The following NALF1 variants were observed in gnomAD, a reference collection of about 807,000 sequenced individuals.
NALF1 encodes the protein NALCN channel auxiliary factor 1.
Under a neutral mutation model 48.4 loss-of-function variants are expected in NALF1, and 3 were observed. That is an observed-to-expected ratio of 0.06 (90% CI 0.03 to 0.16). The LOEUF (loss-of-function observed/expected upper bound fraction) is 0.16, where lower values mean the gene tolerates loss of function less well. Among genes scored for constraint, NALF1 ranks in the 10% least tolerant of loss-of-function variants. The pLI, the probability that NALF1 is intolerant of heterozygous loss-of-function variation, is 1.00. For missense variants in NALF1, 526 were observed against 571.5 expected, an observed-to-expected ratio of 0.92 and a Z score of 0.81; for synonymous variants, 262 against 245.7, an observed-to-expected ratio of 1.07 and a Z score of -0.62.
intron 1 of NALF1, among the ~76,000 whole-genome samples, chr13:107,406,369 A>G (rs1883899487): frequency 6.6e-6 from 1 of 152,178 alleles, no homozygotes; most frequent in South Asian, 2.1e-4. Context: ...AGAAACACCA[A>G]TAGTGAGCAA....
At chr13:107,458,969 A>C (rs1396523654) in intron 1 of NALF1, among the ~76,000 whole-genome samples, 1 of 152,006 alleles carries the variant, frequency 6.6e-6, no homozygotes, top group Non-Finnish European at 1.5e-5. Flanking sequence ...AGAGAGGTAC[A>C]TCTGTTATAA....
Position 107,595,683 on chromosome 13 carries a change from T to C in NALF1, c.915+269999A>G, listed in dbSNP as rs1011591211. The stretch of plus-strand genomic sequence containing the variant: ...GATAAATGCAAAGATTTTATAAACA[T>C]GCCCTGCCTAATATAGCTGTCACAT... On this transcript the variant is annotated intron_variant, in intron 1 of 2. Coordinates refer to ENST00000375915, the MANE Select transcript of NALF1 (RefSeq NM_001080396.3). 2.0e-5 allele frequency among the ~76,000 whole-genome samples: 3 copies of C among 152,190 alleles called. No individual in the cohort carries two copies. The East Asian group carries it at 5.8e-4, about 29-fold the overall frequency.
chr13:107,284,889 G>A (rs1433384511), intron 1 of NALF1, among the ~76,000 whole-genome samples: 1 of 143,666 alleles, frequency 7.0e-6, no homozygotes, highest in Non-Finnish European at 1.5e-5. Context: ...CATTTCTATT[G>A]TTTGAGCCAC....
At chr13:107,239,182 A>G (rs1880414062) in intron 1 of NALF1, among the ~76,000 whole-genome samples, 1 of 152,130 alleles carries the variant, frequency 6.6e-6, no homozygotes, top group South Asian at 2.1e-4. Context: ...CTGTAATCCA[A>G]CTGAGTGACT....
At chr13:107,374,648 C>T (rs180902218) in intron 1 of NALF1, among the ~76,000 whole-genome samples, 111 of 152,172 alleles carry the variant, frequency 7.3e-4, no homozygotes, top group African/African-American at 2.3e-3. Flanking sequence ...AGCAATACCA[C>T]GATGATTATA....
chr13:107,499,725 T>C (rs1362675008), intron 1 of NALF1, among the ~76,000 whole-genome samples: 1 of 152,226 alleles, frequency 6.6e-6, no homozygotes, highest in Non-Finnish European at 1.5e-5. Flanking sequence ...TCCTTACGGC[T>C]TGCTTTTTTT....
At chr13:107,424,591 G>T in intron 1 of NALF1, among the ~76,000 whole-genome samples, 1 of 132,352 alleles carries the variant, frequency 7.6e-6, no homozygotes, top group Admixed American at 7.6e-5. Context: ...GAAGATTTAT[G>T]AAGCAAAAGC....
At chr13:107,190,234 G>A (rs1331394167) in intron 2 of NALF1, among the ~76,000 whole-genome samples, 3 of 152,146 alleles carry the variant, frequency 2.0e-5, no homozygotes, top group Non-Finnish European at 4.4e-5. Context: ...GGTTGTAATT[G>A]AAGAGACAGT....
At chr13:107,371,406 A>G (rs936539356) in intron 1 of NALF1, among the ~76,000 whole-genome samples, 1 of 152,174 alleles carries the variant, frequency 6.6e-6, no homozygotes, top group Non-Finnish European at 1.5e-5. Context: ...TGACTGCAAC[A>G]CTGCACTTCA....
Position 107,168,493 on chromosome 13 carries a change from A to C in NALF1, c.*2004T>G, listed in dbSNP as rs1200141471. The C allele has an allele frequency of 6.6e-6, 1 of 152,544 alleles. No homozygotes were observed. Among genetic ancestry groups the C allele is most frequent in the Non-Finnish European group, 1.5e-5 (1 of 68,040 alleles). The allele number at this position is 152,544 out of a possible 1,614,324, so 9.4% of individuals were successfully genotyped here. On this transcript the variant is annotated 3_prime_UTR_variant, in exon 3 of 3. Coordinates refer to ENST00000375915, the MANE Select transcript of NALF1 (RefSeq NM_001080396.3). ...TGTGAATGTATTTGCATTTGCAGAAAAAAAAATTTTAAAAAAGGAACAAAA... is the reference window on the plus strand; with the variant it reads ...TGTGAATGTATTTGCATTTGCAGAACAAAAAATTTTAAAAAAGGAACAAAA...
chr13:107,570,671 ATATT>A (rs1182568770), intron 1 of NALF1, among the ~76,000 whole-genome samples: 7 of 151,604 alleles, frequency 4.6e-5, no homozygotes, highest in Non-Finnish European at 1.0e-4. Flanking sequence ...GCTGGGGAAC[ATATT>A]TATTTTTAAA....
chr13:107,264,031 T>C (rs1202232458), intron 1 of NALF1, among the ~76,000 whole-genome samples: 1 of 152,202 alleles, frequency 6.6e-6, no homozygotes, highest in Admixed American at 6.5e-5. Flanking sequence ...AGAGTACATC[T>C]GGTAGATTCA....
chr13:107,792,830 C>T (rs971525928), intron 1 of NALF1, among the ~76,000 whole-genome samples: 1 of 152,000 alleles, frequency 6.6e-6, no homozygotes, highest in Non-Finnish European at 1.5e-5. Flanking sequence ...TTTGTTTAGA[C>T]ACAGGGTCTC....
At chr13:107,707,992 C>G (rs9559140) in intron 1 of NALF1, among the ~76,000 whole-genome samples, 3 of 151,910 alleles carry the variant, frequency 2.0e-5, no homozygotes, top group South Asian at 2.1e-4. Context: ...CCCTACCCCC[C>G]ACCCCACCCC....
intron 1 of NALF1, among the ~76,000 whole-genome samples, chr13:107,704,428 A>G (rs1457582881): frequency 1.3e-5 from 2 of 152,004 alleles, no homozygotes; most frequent in South Asian, 2.1e-4. Context: ...TGAATTCATT[A>G]TATTTTTGAA....
chr13:107,817,745 A>G (rs58437961), intron 1 of NALF1, among the ~76,000 whole-genome samples: 1,776 of 152,220 alleles, frequency 0.012, 44 homozygotes, highest in African/African-American at 0.041. Context: ...GGGTGCTTCC[A>G]TGGTACGCTG....
intron 1 of NALF1, among the ~76,000 whole-genome samples, chr13:107,774,206 A>G (rs1216309319): frequency 2.6e-5 from 4 of 152,304 alleles, no homozygotes; most frequent in South Asian, 4.1e-4. Flanking sequence ...AAATATGTGT[A>G]TTTGTATTTA....
intron 1 of NALF1, among the ~76,000 whole-genome samples, chr13:107,225,618 G>T (rs1566456899): frequency 6.6e-6 from 1 of 152,054 alleles, no homozygotes; most frequent in Non-Finnish European, 1.5e-5. Flanking sequence ...ACGAAATGGT[G>T]GGGGATGGGG....
At position 107,362,351 on chromosome 13, in the gene NALF1, G is replaced by A. The variant is rs1672865102; in HGVS notation, c.916-151596C>T. Among the ~76,000 whole-genome samples the A allele has an allele frequency of 6.6e-6, 1 of 152,156 alleles. No individual in the cohort carries two copies. The highest frequency in any genetic ancestry group is 6.6e-5 in the Admixed American group (1 of 15,266). On this transcript the variant is annotated intron_variant, in intron 1 of 2. Transcript: ENST00000375915. This position sits in a 1 kb window ranked among gnomAD's most constrained non-coding sequence, Gnocchi z 4.6. ...TGCATTGTCCAACAGTGCTGGAGGA[G>A]AACAGTCTGAAATCAAGGTGGTGTC...
Sources: gnomAD v4.1 joint callset for allele counts (sites outside exome capture counted in the v4.1 genomes callset) on GRCh38, gnomAD v4.1.1 for gene constraint, Gnocchi (gnomAD v3.1) non-coding constraint, MANE v1.5 for transcripts, NCBI Gene and HGNC (gene_info 2026-07-23, HGNC 2026-07-21) for gene names.